Variants in KIF15 observed in about 807,000 individuals in gnomAD.
KIF15 encodes kinesin family member 15, also known as kinesin-like protein KIF15.
A neutral mutation model predicts 190.6 loss-of-function variants in KIF15; 140 were observed. The observed-to-expected ratio is 0.73, with a 90% CI of 0.64 to 0.84. The LOEUF is 0.84. Among genes scored for constraint, KIF15 ranks in the 40% least tolerant of loss-of-function variants. The pLI is 0.00. For synonymous variants in KIF15, 528 were observed against 551.3 expected (o/e 0.96, Z 0.59); for missense variants, 1,372 against 1,584.4 (o/e 0.87, Z 2.28).
At chr3:44,801,655 A>AAT in intron 12 of KIF15, 110 bp from the exon 13 acceptor site, 1 of 969,452 alleles carries the variant, frequency 1.0e-6, no homozygotes, top group Admixed American at 2.4e-5. Context: ...TGAAAAATCA[A>AAT]ATTTTGCCTT....
Position 44,801,974 on chromosome 3 carries a change from A to C in KIF15, c.1509A>C (p.Gln503His). The C allele has an allele frequency of 6.2e-7, 1 of 1,600,036 alleles. No individual in the cohort carries two copies. Among genetic ancestry groups the C allele is most frequent in the South Asian group, 1.1e-5 (1 of 90,356 alleles). ...LRNEIQTLREQIEHHPRVAKY... is the reference protein window; with the variant it reads ...LRNEIQTLREHIEHHPRVAKY... ...ATGAGATTCAAACTCTGCGAGAACAAGTGAGTATACGGCATCTATAATATT... is the reference window on the plus strand; with the variant it reads ...ATGAGATTCAAACTCTGCGAGAACACGTGAGTATACGGCATCTATAATATT... Residue 503 changes from glutamine to histidine, a missense_variant and splice_region_variant, in exon 13 of 35, where the codon CAA becomes CAC. By Grantham distance (24) the Gln-to-His change is conservative. Transcript: ENST00000326047.
intron 10 of KIF15, among the ~76,000 whole-genome samples, chr3:44,799,636 C>G (rs1229679781): frequency 1.3e-5 from 2 of 150,622 alleles, no homozygotes; most frequent in African/African-American, 4.9e-5. Context: ...TGTGACCTGC[C>G]CCACTCTTGA....
chr3:44,808,667 G>A (rs1277494988), intron 16 of KIF15, among the ~76,000 whole-genome samples: 1 of 150,528 alleles, frequency 6.6e-6, no homozygotes, highest in Non-Finnish European at 1.5e-5. Flanking sequence ...TTAACTCAGG[G>A]ATATGCCTTA....
chr3:44,855,812 T>TA (rs1356976941), downstream of KIF15, among the ~76,000 whole-genome samples: 19 of 152,272 alleles, frequency 1.2e-4, no homozygotes, highest in Admixed American at 9.8e-4. Context: ...ATTAAAGGAC[T>TA]AAGAATTGGG....
intron 6 of KIF15, among the ~76,000 whole-genome samples, chr3:44,859,609 A>G (rs527737961): frequency 5.3e-5 from 8 of 152,342 alleles, no homozygotes; most frequent in African/African-American, 1.7e-4. Flanking sequence ...GCAGTGAGCT[A>G]TGATCCACCA....
intron 5 of KIF15, among the ~76,000 whole-genome samples, chr3:44,782,962 G>C (rs1286065361): frequency 2.0e-5 from 3 of 152,154 alleles, no homozygotes; most frequent in Non-Finnish European, 4.4e-5. Context: ...TGAATATGAT[G>C]TGACATTATT....
At chr3:44,786,693 A>C in intron 7 of KIF15, 119 bp downstream of exon 7, 4 of 687,594 alleles carry the variant, frequency 5.8e-6, no homozygotes, top group Non-Finnish European at 9.1e-6. Context: ...ATAATACAGA[A>C]TGTTCATGGG....
Position 44,810,736 on chromosome 3 carries a change from C to A in KIF15, c.1972-110C>A, listed in dbSNP as rs1707743685. The stretch of plus-strand genomic sequence containing the variant: ...TACTGTGTCTCAAGGGTACTTTTTC[C>A]TTTCTTTTCATGAATAGTATTTCAA... On this transcript the variant is annotated intron_variant, in intron 16 of 34. Transcript: ENST00000326047. The A allele has an allele frequency of 1.7e-5, 16 of 915,338 alleles. No homozygotes were observed. In the South Asian group the frequency reaches 2.8e-4, roughly 16 times the overall value. The allele number at this position is 915,338 out of a possible 1,614,324, so 56.7% of individuals were successfully genotyped here.
Position 44,839,264 on chromosome 3 carries a change from C to T in KIF15, c.3318+843C>T, listed in dbSNP as rs373646664. Among the ~76,000 whole-genome samples the T allele has an allele frequency of 1.5e-3, 226 of 151,708 alleles. 1 individual carries two copies. Among genetic ancestry groups the T allele is most frequent in the African/African-American group, 3.2e-3 (131 of 41,370 alleles). ...GCCGGCTCCGGTAGTCCCAGCTACTCGGGAAGGCTGAGGCAGGAGAATGGT... is the reference window on the plus strand; with the variant it reads ...GCCGGCTCCGGTAGTCCCAGCTACTTGGGAAGGCTGAGGCAGGAGAATGGT... On this transcript the variant is annotated intron_variant, in intron 27 of 34. Coordinates refer to ENST00000326047, the MANE Select transcript of KIF15 (RefSeq NM_020242.3).
chr3:44,775,370 G>A lies in KIF15; in HGVS notation c.179G>A (p.Arg60Gln), dbSNP rs199683472. ...CLSVLSSTSL[R>Q]LHSNPEPKTF... ...TCTGTGCTGTCCTCCACGAGTCTCC[G>A]GCTGCACTCCAACCCTGAGCCCAAG... is the stretch of plus-strand genomic sequence containing the variant. Residue 60 changes from arginine to glutamine, a missense_variant, in exon 3 of 35, where the codon CGG becomes CAG. Physicochemically the swap from Arg to Gln is conservative, Grantham distance 43. Coordinates refer to ENST00000326047, the MANE Select transcript of KIF15 (RefSeq NM_020242.3). The A allele has an allele frequency of 1.8e-4, 290 of 1,613,918 alleles. No homozygotes were observed. The East Asian group carries it at 3.5e-3, about 19-fold the overall frequency.
At chr3:44,814,456 C>T (rs1440604556) in intron 19 of KIF15, among the ~76,000 whole-genome samples, 1 of 152,110 alleles carries the variant, frequency 6.6e-6, no homozygotes, top group Non-Finnish European at 1.5e-5. Context: ...ACCACAGGTG[C>T]TCACCACCAC....
intron 7 of KIF15, among the ~76,000 whole-genome samples, chr3:44,792,209 C>T (rs1007479854): frequency 6.6e-6 from 1 of 152,014 alleles, no homozygotes; most frequent in African/African-American, 2.4e-5. Context: ...GGCGCAGTGG[C>T]TTACTCCTGT....
rs535770951 is a variant in KIF15, at chr3:44,850,729, G to A, written c.3807-1058G>A. On this transcript the variant is annotated intron_variant, in intron 32 of 34. Transcript: ENST00000326047. ...CCTTCTCCCCAGACTGTCCTTCTGA[G>A]ATCCACAGAATGTAGTCCAAAAACA... Among the ~76,000 whole-genome samples, 7 of 152,314 alleles carry A rather than the reference G, an allele frequency of 4.6e-5. No individual in the cohort carries two copies. The East Asian group carries it at 1.4e-3, about 29-fold the overall frequency.
Position 44,827,440 on chromosome 3 carries a change from G to A in KIF15, c.2787-19G>A. 1 of 1,570,580 alleles carries A rather than the reference G, an allele frequency of 6.4e-7. No individual in the cohort carries two copies. The highest frequency in any genetic ancestry group is 8.8e-7 in the Non-Finnish European group (1 of 1,142,430). On this transcript the variant is annotated intron_variant, in intron 22 of 34. Coordinates refer to ENST00000326047, the MANE Select transcript of KIF15 (RefSeq NM_020242.3). ...TCATTGAGTGAAGTCAGGGGTAAAA[G>A]ATAATTATTCTCTTCCAGAGAAATC...
chr3:44,776,105 C>G (rs1191744369), intron 3 of KIF15, among the ~76,000 whole-genome samples: 9 of 149,048 alleles, frequency 6.0e-5, no homozygotes, highest in Non-Finnish European at 1.3e-4. Context: ...AATTTCTTTT[C>G]TGGGCTGGTC....
chr3:44,831,358 CAAAT>C (rs1698064071), intron 26 of KIF15, among the ~76,000 whole-genome samples: 1 of 152,200 alleles, frequency 6.6e-6, no homozygotes, highest in East Asian at 1.9e-4. Context: ...TATAATAATA[CAAAT>C]AGTCATGTAT....
intron 26 of KIF15, among the ~76,000 whole-genome samples, chr3:44,836,141 G>A (rs1698297839): frequency 2.0e-5 from 3 of 152,250 alleles, no homozygotes; most frequent in Admixed American, 2.0e-4. Context: ...GAGGCCAGGA[G>A]CTCAAGACCA....
At chr3:44,792,464 ACT>A (rs1187401433) in intron 7 of KIF15, among the ~76,000 whole-genome samples, 7 of 151,758 alleles carry the variant, frequency 4.6e-5, no homozygotes, top group African/African-American at 1.2e-4. Flanking sequence ...ACAAAGTGAG[ACT>A]CTGTCTTAAA....
At chr3:44,844,431 C>T (rs987282616) in intron 30 of KIF15, among the ~76,000 whole-genome samples, 5 of 152,198 alleles carry the variant, frequency 3.3e-5, no homozygotes, top group Admixed American at 1.3e-4. Context: ...ACCTAGTTTT[C>T]ATATGCTCCA....
Sources: allele counts gnomAD v4.1 joint callset (sites outside exome capture counted in the v4.1 genomes callset), GRCh38; gene constraint gnomAD v4.1.1; transcripts MANE v1.5; gene names NCBI Gene and HGNC (gene_info 2026-07-23, HGNC 2026-07-21).